Variants in PRKG1 observed in about 807,000 individuals in gnomAD.
The protein encoded by PRKG1 is cGMP-dependent protein kinase 1.
In PRKG1, 35 loss-of-function variants were observed where a neutral mutation model predicts 88.1. The observed-to-expected ratio is 0.40, with a 90% confidence interval of 0.30 to 0.53. PRKG1 has a LOEUF of 0.53. PRKG1 is among the 20% of genes least tolerant of loss of function. PRKG1 has a pLI of 0.59. For synonymous variants in PRKG1, 303 were observed against 292.5 expected, an observed-to-expected ratio of 1.04 and a Z score of -0.37; for missense variants, 540 against 839.8, an observed-to-expected ratio of 0.64 and a Z score of 4.41.
At chr10:51,291,634 C>G (rs780299240) in intron 2 of PRKG1, among the ~76,000 whole-genome samples, 3 of 152,022 alleles carry the variant, frequency 2.0e-5, no homozygotes, top group Non-Finnish European at 4.4e-5. Context: ...CCACCTAAGC[C>G]GCAAAACTTA....
At chr10:52,290,992 G>C (rs1371206734) in intron 17 of PRKG1, among the ~76,000 whole-genome samples, 1 of 145,694 alleles carries the variant, frequency 6.9e-6, no homozygotes, top group Non-Finnish European at 1.5e-5. Context: ...GCGTGATCTC[G>C]GCTTACTGCA....
intron 1 of PRKG1, among the ~76,000 whole-genome samples, chr10:51,034,668 TTATA>T (rs1554831108): frequency 8.4e-4 from 57 of 68,180 alleles, no homozygotes; most frequent in Non-Finnish European, 9.6e-4. Context: ...AATATGTTAT[TTATA>T]TATATATATA....
intron 9 of PRKG1, among the ~76,000 whole-genome samples, chr10:52,233,969 G>C (rs977801035): frequency 2.6e-5 from 4 of 152,044 alleles, no homozygotes; most frequent in African/African-American, 9.7e-5. Flanking sequence ...GGAGATCTGA[G>C]AACCGGCAGA....
intron 1 of PRKG1, among the ~76,000 whole-genome samples, chr10:51,053,774 T>C (rs1190710757): frequency 1.6e-5 from 1 of 62,922 alleles, no homozygotes; most frequent in African/African-American, 4.5e-5. Context: ...TATGGGTTTT[T>C]TTTGTTTTTT....
intron 3 of PRKG1, among the ~76,000 whole-genome samples, chr10:51,717,107 C>T (rs1177204399): frequency 1.3e-5 from 2 of 152,158 alleles, no homozygotes; most frequent in Non-Finnish European, 2.9e-5. Flanking sequence ...GCTGGTTCTT[C>T]CAGTAAGGAA....
intron 2 of PRKG1, among the ~76,000 whole-genome samples, chr10:51,281,356 C>CCA (rs1840290186): frequency 6.6e-6 from 1 of 152,156 alleles, no homozygotes. Flanking sequence ...ATATCAAACT[C>CCA]CATACTGGGA....
chr10:51,622,203 G>T (rs2132263815), intron 3 of PRKG1, among the ~76,000 whole-genome samples: 1 of 152,250 alleles, frequency 6.6e-6, no homozygotes, highest in African/African-American at 2.4e-5. Flanking sequence ...ATATCAGTTT[G>T]AAAAGGAGAA....
At chr10:52,257,923 A>T (rs1841347228) in intron 10 of PRKG1, among the ~76,000 whole-genome samples, 1 of 139,406 alleles carries the variant, frequency 7.2e-6, no homozygotes, top group South Asian at 2.3e-4. Flanking sequence ...CAATGCAGAA[A>T]TTACAAGTAG....
rs369835488 is a variant in PRKG1 at position 51,270,700 on chromosome 10, C to T, written c.478+117370C>T. Among the ~76,000 whole-genome samples, 585 of 152,212 alleles carry T rather than the reference C, an allele frequency of 3.8e-3. 7 individuals are homozygous for T. The highest frequency in any genetic ancestry group is 0.013 in the African/African-American group (537 of 41,538). On this transcript the variant is annotated intron_variant, in intron 2 of 17. Coordinates refer to ENST00000373980, the MANE Select transcript of PRKG1 (RefSeq NM_006258.4). ...TAAAAATAACTGATAAAAATCAACC[C>T]TTTCCATGACTTGTGAGCTTCCCAT...
chr10:51,694,841 G>A (rs1024019881), intron 3 of PRKG1, among the ~76,000 whole-genome samples: 2 of 152,114 alleles, frequency 1.3e-5, no homozygotes, highest in Non-Finnish European at 2.9e-5. Flanking sequence ...ATGAAATAAG[G>A]CTCTATGCTT....
chr10:52,087,874 A>T (rs1329176063), intron 7 of PRKG1, among the ~76,000 whole-genome samples: 1 of 152,216 alleles, frequency 6.6e-6, no homozygotes, highest in Non-Finnish European at 1.5e-5. Flanking sequence ...TTTCCTCAAT[A>T]GTAAGGAGAC....
At chr10:52,142,531 A>G (rs1178994062) in intron 8 of PRKG1, among the ~76,000 whole-genome samples, 1 of 152,184 alleles carries the variant, frequency 6.6e-6, no homozygotes, top group Non-Finnish European at 1.5e-5. Context: ...TTCTAAATAT[A>G]TATAGATATA....
At chr10:52,191,369 T>C (rs566344923) in intron 9 of PRKG1, among the ~76,000 whole-genome samples, 1 of 151,236 alleles carries the variant, frequency 6.6e-6, no homozygotes, top group South Asian at 2.1e-4. Flanking sequence ...GGTTTTGCCA[T>C]GTTGCCTAGG....
chr10:51,239,267 G>A (rs1236135565), intron 2 of PRKG1, among the ~76,000 whole-genome samples: 1 of 152,052 alleles, frequency 6.6e-6, no homozygotes, highest in Non-Finnish European at 1.5e-5. Flanking sequence ...TGGAACATAC[G>A]AAAACAATGC....
At chr10:51,126,856 A>T (rs1845437498) in intron 1 of PRKG1, among the ~76,000 whole-genome samples, 2 of 152,126 alleles carry the variant, frequency 1.3e-5, no homozygotes, top group African/African-American at 4.8e-5. Context: ...AAACCAAGCA[A>T]TGGGGAAGGA....
At chr10:51,808,040 T>C (rs1440768825) in intron 4 of PRKG1, among the ~76,000 whole-genome samples, 1 of 152,128 alleles carries the variant, frequency 6.6e-6, no homozygotes, top group Non-Finnish European at 1.5e-5. Flanking sequence ...TTGGTACCAT[T>C]TATTTTTCAA....
intron 2 of PRKG1, among the ~76,000 whole-genome samples, chr10:51,284,865 C>CTTTTTTTTTTTTTTTTTTTTTTGGTT (rs5784867): frequency 1.9e-5 from 1 of 51,698 alleles, no homozygotes; most frequent in African/African-American, 7.2e-5. Context: ...GTTGTGGGTA[C>CTTTTTTTTTTTTTTTTTTTTTTGGTT]TTTTTTTTTT....
intron 1 of PRKG1, among the ~76,000 whole-genome samples, chr10:51,002,784 G>T (rs1376696894): frequency 6.6e-6 from 1 of 152,162 alleles, no homozygotes; most frequent in Non-Finnish European, 1.5e-5. Context: ...GCAATCAAGG[G>T]TCAGTGGTAA....
At chr10:51,032,261 G>A (rs530161365) in intron 1 of PRKG1, among the ~76,000 whole-genome samples, 41 of 152,080 alleles carry the variant, frequency 2.7e-4, no homozygotes, top group African/African-American at 9.9e-4. Context: ...CCCCTCTGCT[G>A]GTATTTAGTA....
Sources: gnomAD v4.1 joint callset for allele counts (sites outside exome capture counted in the v4.1 genomes callset) on GRCh38, gnomAD v4.1.1 for gene constraint, MANE v1.5 for transcripts, NCBI Gene and HGNC (gene_info 2026-07-23, HGNC 2026-07-21) for gene names.